HYAL4: variants seen among roughly 807,000 people sequenced by gnomAD.
HYAL4 encodes the protein hyaluronidase-4.
HYAL4 carries 37 observed loss-of-function variants against 35.2 expected under a neutral mutation model. That is an observed-to-expected ratio of 1.05 (90% CI 0.81 to 1.38). The LOEUF (loss-of-function observed/expected upper bound fraction) is 1.38, where lower values mean the gene tolerates loss of function less well. HYAL4 is among the 40% of genes most tolerant of loss of function. The probability of loss-of-function intolerance (pLI) is 0.00; values close to 1 mark genes in which losing one functional copy is unlikely to be tolerated. For missense variants in HYAL4, 572 were observed against 572.4 expected, an observed-to-expected ratio of 1.00 and a Z score of 0.01; for synonymous variants, 198 against 203.2, an observed-to-expected ratio of 0.97 and a Z score of 0.22.
At chr7:123,791,344 G>A in the HYAL4 span, among the ~76,000 whole-genome samples, 14 of 152,150 alleles carry the variant, frequency 9.2e-5, no homozygotes, top group Non-Finnish European at 1.9e-4. Flanking sequence ...TAGAACTTCA[G>A]TAATTCATCA....
At chr7:123,843,482 G>A (rs901664188), upstream of HYAL4, among the ~76,000 whole-genome samples, 1 of 151,862 alleles carries the variant, frequency 6.6e-6, no homozygotes, top group Non-Finnish European at 1.5e-5. Context: ...GTGTCTTGGG[G>A]TTGCTCTTCT....
At chr7:123,765,906 A>G in the HYAL4 span, among the ~76,000 whole-genome samples, 7 of 152,162 alleles carry the variant, frequency 4.6e-5, no homozygotes, top group Non-Finnish European at 7.4e-5. Flanking sequence ...GATGTGTTCT[A>G]TCACTCTCTC....
At chr7:123,852,238 T>C (rs1359150001) in intron 2 of HYAL4, among the ~76,000 whole-genome samples, 2 of 152,210 alleles carry the variant, frequency 1.3e-5, no homozygotes, top group Non-Finnish European at 2.9e-5. Flanking sequence ...AGGTCTTTAG[T>C]TTAATTAGAT....
At chr7:123,799,948 C>T in the HYAL4 span, among the ~76,000 whole-genome samples, 10 of 151,762 alleles carry the variant, frequency 6.6e-5, no homozygotes, top group East Asian at 1.2e-3. Flanking sequence ...ATTGCTTGAG[C>T]GCAGGAGTTC....
At chr7:123,818,979 C>T in the HYAL4 span, among the ~76,000 whole-genome samples, 2 of 152,072 alleles carry the variant, frequency 1.3e-5, no homozygotes, top group African/African-American at 2.4e-5. Flanking sequence ...TTCAAGAATA[C>T]AATATGTTGT....
At chr7:123,857,538 T>C (rs1418956144) in intron 2 of HYAL4, among the ~76,000 whole-genome samples, 1 of 152,048 alleles carries the variant, frequency 6.6e-6, no homozygotes, top group Non-Finnish European at 1.5e-5. Context: ...CCCAATGAGA[T>C]GAGCCAGGTA....
chr7:123,818,086 A>G, the HYAL4 span, among the ~76,000 whole-genome samples: 2 of 152,168 alleles, frequency 1.3e-5, no homozygotes, highest in Non-Finnish European at 2.9e-5. Flanking sequence ...CATGTTGGCC[A>G]GGCTGGTCTC....
the HYAL4 span, among the ~76,000 whole-genome samples, chr7:123,794,024 A>C: frequency 3.9e-5 from 6 of 152,328 alleles, no homozygotes; most frequent in South Asian, 1.2e-3. Flanking sequence ...AATAGTTTTG[A>C]CCAAAGTGCT....
upstream of HYAL4, among the ~76,000 whole-genome samples, chr7:123,841,046 G>A (rs1392671805): frequency 6.6e-6 from 1 of 151,926 alleles, no homozygotes; most frequent in East Asian, 1.9e-4. Flanking sequence ...TGGTGAGAGA[G>A]GGCATCCTTG....
the HYAL4 span, among the ~76,000 whole-genome samples, chr7:123,821,362 G>T: frequency 5.6e-4 from 85 of 152,232 alleles, 1 homozygote; most frequent in East Asian, 0.016. Context: ...CAGGTGTGAG[G>T]TGATAGCTCA....
the HYAL4 span, among the ~76,000 whole-genome samples, chr7:123,799,615 C>A: frequency 6.6e-6 from 1 of 151,196 alleles, no homozygotes; most frequent in African/African-American, 2.4e-5. Context: ...ATGGTAAAAC[C>A]CTGTCTCTAC....
intron 4 of HYAL4, chr7:123,876,014 C>T (rs1584930238): frequency 2.2e-6 from 1 of 456,636 alleles, no homozygotes; most frequent in East Asian, 7.0e-5. Context: ...GGATTAATTC[C>T]TGACTTTCCA....
Position 123,869,203 on chromosome 7 carries a change from T to A in HYAL4, c.930T>A (p.Asp310Glu), listed in dbSNP as rs770701136. 6.2e-7 allele frequency: 1 copy of A among 1,602,144 alleles called. No homozygotes were observed. The highest frequency in any genetic ancestry group is 8.5e-7 in the Non-Finnish European group (1 of 1,174,028). The change falls in exon 3 of 5, where the codon GAT becomes GAA. Residue 310 changes from aspartate (D) to glutamate (E), a missense_variant. Transcript: ENST00000223026. Reference protein sequence around the residue: ...VFVYTRLGYRDEPLFFLSKQD... With the variant: ...VFVYTRLGYREEPLFFLSKQD... The stretch of plus-strand genomic sequence containing the variant: ...TCTACACAAGGCTAGGGTACAGAGA[T>A]GAACCTTTATTTTTCCTTTCTAAGG...
At chr7:123,776,330 G>A in the HYAL4 span, among the ~76,000 whole-genome samples, 5 of 152,178 alleles carry the variant, frequency 3.3e-5, no homozygotes, top group Non-Finnish European at 7.4e-5. Flanking sequence ...ATGCAACGAT[G>A]GGCGACATGC....
At chr7:123,787,543 G>A in the HYAL4 span, among the ~76,000 whole-genome samples, 1 of 152,146 alleles carries the variant, frequency 6.6e-6, no homozygotes, top group Admixed American at 6.5e-5. Flanking sequence ...TTATATGCAT[G>A]TCTTATCAGC....
At chr7:123,776,835 T>C in the HYAL4 span, among the ~76,000 whole-genome samples, 227 of 152,322 alleles carry the variant, frequency 1.5e-3, no homozygotes, top group African/African-American at 5.1e-3. Flanking sequence ...TTTCCATCTC[T>C]ACACTGCAGA....
At chr7:123,792,988 A>G in the HYAL4 span, among the ~76,000 whole-genome samples, 1 of 152,134 alleles carries the variant, frequency 6.6e-6, no homozygotes, top group South Asian at 2.1e-4. Context: ...AGGGGATCCC[A>G]GTCCCCTAGA....
chr7:123,832,384 C>T (rs1304434773), intron 1 of HYAL4, among the ~76,000 whole-genome samples: 2 of 150,846 alleles, frequency 1.3e-5, no homozygotes, highest in African/African-American at 4.9e-5. Flanking sequence ...GCTGCCATCA[C>T]CCGAGCAGTA....
chr7:123,860,064 C>T (rs1404714501), intron 2 of HYAL4, among the ~76,000 whole-genome samples: 2 of 152,156 alleles, frequency 1.3e-5, no homozygotes, highest in Non-Finnish European at 2.9e-5. Context: ...GCAGTTTCCC[C>T]CATGCTGTTC....
Sources: allele counts gnomAD v4.1 joint callset (sites outside exome capture counted in the v4.1 genomes callset), GRCh38; gene constraint gnomAD v4.1.1; transcripts MANE v1.5; gene names NCBI Gene and HGNC (gene_info 2026-07-23, HGNC 2026-07-21).